Variants in HEATR4 observed in about 807,000 individuals in gnomAD.
HEATR4 encodes HEAT repeat containing 4.
HEATR4 carries 95 observed loss-of-function variants against 108.8 expected under a neutral mutation model. The observed-to-expected ratio is 0.87, with a 90% CI of 0.74 to 1.04. HEATR4 has a LOEUF of 1.04. Among genes scored for constraint, HEATR4 ranks in the 50% least tolerant of loss-of-function variants. HEATR4 has a pLI of 0.00. For missense variants in HEATR4, 1,152 were observed against 1,253.8 expected, an observed-to-expected ratio of 0.92 and a Z score of 1.23; for synonymous variants, 443 against 459.4, an observed-to-expected ratio of 0.96 and a Z score of 0.46.
intron 17 of HEATR4, among the ~76,000 whole-genome samples, chr14:73,485,738 T>A (rs1885426513): frequency 1.3e-5 from 2 of 152,096 alleles, no homozygotes; most frequent in Admixed American, 6.6e-5. Flanking sequence ...TTGGGCATCG[T>A]GGCACATGCC....
the HEATR4 span, among the ~76,000 whole-genome samples, chr14:73,604,164 CTT>C: frequency 0.17 from 20,591 of 120,496 alleles, 2,325 homozygotes; most frequent in African/African-American, 0.4. Context: ...TTGCTAATTT[CTT>C]TTTTTTTTTT....
chr14:73,596,409 G>C, the HEATR4 span: 1 of 152,072 alleles, frequency 6.6e-6, no homozygotes, highest in Non-Finnish European at 1.5e-5. Flanking sequence ...TGGGACGATT[G>C]CTTGAGCCCG....
rs141264462 is a variant in HEATR4, at chr14:73,478,897, G to A, written c.2845-55C>T. ...TATGCCAAACGTGTCTCATGTGAGC[G>A]GCAGAGCCCAAGTGAAGGCCTCTTT... On this transcript the variant is annotated intron_variant, in intron 17 of 17. Transcript: ENST00000553558. 2.3e-3 allele frequency: 3,199 copies of A among 1,402,272 alleles called. 2 individuals carry two copies. Among genetic ancestry groups the A allele is most frequent in the Non-Finnish European group, 2.9e-3 (2,912 of 1,021,512 alleles). The allele number at this position is 1,402,272 out of a possible 1,614,324, so 86.9% of individuals were successfully genotyped here.
rs150810569 is a variant in HEATR4 at position 73,483,649 on chromosome 14, T to A, written c.2845-4807A>T. Among the ~76,000 whole-genome samples the A allele has an allele frequency of 2.6e-3, 395 of 152,336 alleles. 2 individuals are homozygous for A. The highest frequency in any genetic ancestry group is 4.6e-3 in the Non-Finnish European group (313 of 68,034). On this transcript the variant is annotated intron_variant, in intron 17 of 17. Transcript: ENST00000553558. Reference sequence around the variant, plus strand: ...TAAAGGAAATGTGAGCGTTTTTTTTTAAGATGTAATTTTAATTTTAAAGAA... The same window carrying A: ...TAAAGGAAATGTGAGCGTTTTTTTTAAAGATGTAATTTTAATTTTAAAGAA...
chr14:73,557,276 T>C (rs1159272336), intron 1 of HEATR4, among the ~76,000 whole-genome samples: 1 of 114,208 alleles, frequency 8.8e-6, no homozygotes, highest in Non-Finnish European at 1.9e-5. Context: ...CTGGAAAACG[T>C]AGGAGTTGGA....
chr14:73,606,424 A>G, the HEATR4 span, among the ~76,000 whole-genome samples: 1 of 152,138 alleles, frequency 6.6e-6, no homozygotes, highest in South Asian at 2.1e-4. Flanking sequence ...ACTCGGGGAG[A>G]CTGATTTGAG....
rs944688122 is a variant in HEATR4 at position 73,492,498 on chromosome 14, T to C, written c.2844+568A>G. 1 of 1,613,712 alleles carries C rather than the reference T, an allele frequency of 6.2e-7. No individual in the cohort carries two copies. On this transcript the variant is annotated intron_variant, in intron 17 of 17. Transcript: ENST00000553558. This position sits in a 1 kb window ranked among gnomAD's most constrained non-coding sequence, Gnocchi z 4.9. Reference sequence around the variant, plus strand: ...GCCCGCCTGGGACACTTTGCTCCTGTTGATGCTGTGGCCGACCAGCGAGCC... The same window carrying C: ...GCCCGCCTGGGACACTTTGCTCCTGCTGATGCTGTGGCCGACCAGCGAGCC...
At chr14:73,619,319 C>T in the HEATR4 span, 2 of 1,613,778 alleles carry the variant, frequency 1.2e-6, no homozygotes, top group East Asian at 2.2e-5. Flanking sequence ...AAGGGCATCA[C>T]AGCCACTGTA....
chr14:73,617,352 C>A, the HEATR4 span: 2 of 989,276 alleles, frequency 2.0e-6, no homozygotes, highest in Non-Finnish European at 3.1e-6. Flanking sequence ...TGGTGATGTG[C>A]ACCTGTAGTC....
Position 73,512,120 on chromosome 14 carries a change from T to A in HEATR4, c.1444A>T (p.Asn482Tyr), listed in dbSNP as rs763315963. 5.0e-6 allele frequency: 8 copies of A among 1,614,148 alleles called. No individual in the cohort carries two copies. Among genetic ancestry groups the A allele is most frequent in the Middle Eastern group, 3.3e-4 (2 of 6,062 alleles). The change falls in exon 7 of 18, where the codon AAC (asparagine) becomes TAC (tyrosine). Residue 482 changes from asparagine (N) to tyrosine (Y), a missense_variant. Coordinates refer to ENST00000553558, the MANE Select transcript of HEATR4 (RefSeq NM_001220484.1). Reference sequence around the variant, plus strand: ...AGGTCTCCCAAGCTCTGAAGCAGGTTCTCTACTGTCTCATGGTGCCACTCT... The same window carrying A: ...AGGTCTCCCAAGCTCTGAAGCAGGTACTCTACTGTCTCATGGTGCCACTCT... ...IIEWHHETVE[N>Y]LLQSLGDLHD...
chr14:73,583,873 A>G, the HEATR4 span, among the ~76,000 whole-genome samples: 2 of 151,742 alleles, frequency 1.3e-5, no homozygotes, highest in African/African-American at 4.8e-5. Context: ...GGTGGTGCGC[A>G]CCTGTAGTCC....
At chr14:73,595,674 C>T in the HEATR4 span, 102 of 1,509,996 alleles carry the variant, frequency 6.8e-5, no homozygotes, top group Non-Finnish European at 8.9e-5. Context: ...CTGTTGTTGA[C>T]ATGAGAGATT....
the HEATR4 span, among the ~76,000 whole-genome samples, chr14:73,567,167 C>T: frequency 6.6e-6 from 1 of 152,026 alleles, no homozygotes; most frequent in South Asian, 2.1e-4. Context: ...AAACTCCTGG[C>T]CTTAAGCAAC....
chr14:73,491,133 T>C (rs764796899), intron 17 of HEATR4: 1 of 1,607,636 alleles, frequency 6.2e-7, no homozygotes, highest in Admixed American at 1.7e-5. Flanking sequence ...TCCAGGAAGA[T>C]ACGAAAGCAG....
chr14:73,613,121 A>G, the HEATR4 span: 1 of 504,864 alleles, frequency 2.0e-6, no homozygotes, highest in East Asian at 3.5e-5. Context: ...ACATCCCTGA[A>G]CTTGTTCCTT....
Position 73,531,683 on chromosome 14 carries a change from T to C in HEATR4, c.-151-1439A>G, listed in dbSNP as rs1249781226. ...CTTGGCCTCCCAAAGTGCTGGGATT[T>C]GCAACTGTGAGCCACCACACCCAGC... is the stretch of plus-strand genomic sequence containing the variant. On this transcript the variant is annotated intron_variant, in intron 1 of 17. Coordinates refer to ENST00000553558, the MANE Select transcript of HEATR4 (RefSeq NM_001220484.1). 1.8e-5 allele frequency among the ~76,000 whole-genome samples: 2 copies of C among 111,628 alleles called. 1 individual carries two copies. The highest frequency in any genetic ancestry group is 3.9e-5 in the Non-Finnish European group (2 of 51,616). 73.2% of individuals were successfully genotyped at this position (111,628 alleles called of 152,430 possible).
chr14:73,559,610 C>T (rs565040301), upstream of HEATR4, among the ~76,000 whole-genome samples: 36 of 151,942 alleles, frequency 2.4e-4, 1 homozygote, highest in Non-Finnish European at 3.2e-4. Context: ...GGCCTGGTGG[C>T]GCATGCCTGT....
the HEATR4 span, among the ~76,000 whole-genome samples, chr14:73,589,362 G>A: frequency 2.7e-4 from 40 of 150,820 alleles, no homozygotes; most frequent in Admixed American, 1.3e-3. Flanking sequence ...CTCTGTCACC[G>A]ATGCTGTAGT....
the HEATR4 span, among the ~76,000 whole-genome samples, chr14:73,572,731 C>T: frequency 1.3e-5 from 2 of 148,630 alleles, no homozygotes; most frequent in African/African-American, 5.0e-5. Context: ...CTGCAACCTC[C>T]ACCTCCCGGG....
Sources: gnomAD v4.1 joint callset for allele counts (sites outside exome capture counted in the v4.1 genomes callset) on GRCh38, gnomAD v4.1.1 for gene constraint, Gnocchi (gnomAD v3.1) non-coding constraint, MANE v1.5 for transcripts, NCBI Gene and HGNC (gene_info 2026-07-23, HGNC 2026-07-21) for gene names.